TNKS: variants seen among roughly 807,000 people sequenced by gnomAD.
TNKS encodes poly [ADP-ribose] polymerase tankyrase-1.
TNKS carries 72 observed loss-of-function variants against 135.8 expected under a neutral mutation model. The ratio of observed to expected loss-of-function variants is 0.53; its 90% CI spans 0.44 to 0.64. The LOEUF is 0.64. Among genes scored for constraint, TNKS ranks in the 30% least tolerant of loss-of-function variants. TNKS has a pLI of 0.00. For missense variants in TNKS, 1,769 were observed against 1,674.0 expected (o/e 1.06, Z -0.99); for synonymous variants, 849 against 649.3 (o/e 1.31, Z -4.68).
chr8:9,767,048 A>G (rs1807491518), intron 25 of TNKS, among the ~76,000 whole-genome samples: 1 of 152,216 alleles, frequency 6.6e-6, no homozygotes, highest in Non-Finnish European at 1.5e-5. Flanking sequence ...GCTAAGGATG[A>G]TTTCTGTGGA....
intron 3 of TNKS, among the ~76,000 whole-genome samples, chr8:9,666,869 G>T (rs1272165064): frequency 6.6e-6 from 1 of 152,142 alleles, no homozygotes; most frequent in Non-Finnish European, 1.5e-5. Context: ...GAATTGTCAA[G>T]AAGAGTAAAA....
At chr8:9,761,402 C>T in intron 20 of TNKS, 114 bp from the exon 21 acceptor site, 2 of 1,134,096 alleles carry the variant, frequency 1.8e-6, no homozygotes. Flanking sequence ...ATAAAGGGAA[C>T]AAAAGAATTT....
intron 3 of TNKS, among the ~76,000 whole-genome samples, chr8:9,640,356 A>G (rs1384126717): frequency 6.7e-6 from 1 of 149,312 alleles, no homozygotes; most frequent in East Asian, 2.0e-4. Context: ...TGACCTAATC[A>G]CCTCTTAAAG....
intron 3 of TNKS, among the ~76,000 whole-genome samples, chr8:9,667,726 A>C (rs969660283): frequency 1.3e-5 from 2 of 152,056 alleles, no homozygotes; most frequent in Non-Finnish European, 2.9e-5. Context: ...CACACACTTC[A>C]GTTATTTTTT....
At chr8:9,614,710 A>T (rs1799576216) in intron 2 of TNKS, among the ~76,000 whole-genome samples, 1 of 152,188 alleles carries the variant, frequency 6.6e-6, no homozygotes, top group South Asian at 2.1e-4. Flanking sequence ...TAATACATTC[A>T]TTGATTTAAT....
chr8:9,670,390 T>G (rs1283160468), intron 3 of TNKS, among the ~76,000 whole-genome samples: 1 of 152,174 alleles, frequency 6.6e-6, no homozygotes, highest in African/African-American at 2.4e-5. Context: ...TGGGAAACCA[T>G]TCGCCTGTAT....
intron 15 of TNKS, 66 bp from the exon 16 acceptor site, chr8:9,734,799 C>G: frequency 4.1e-6 from 5 of 1,209,326 alleles, no homozygotes; most frequent in Non-Finnish European, 4.7e-6. Context: ...AAATTAATTA[C>G]CTACCTACCT....
intron 14 of TNKS, 130 bp from the exon 15 acceptor site, chr8:9,733,149 T>C (rs1270186995): frequency 1.6e-6 from 1 of 632,296 alleles, no homozygotes; most frequent in African/African-American, 1.9e-5. Context: ...AGAACAGAGG[T>C]GGGTGTATTT....
intron 5 of TNKS, among the ~76,000 whole-genome samples, chr8:9,696,723 G>C (rs1316324735): frequency 6.6e-6 from 1 of 152,046 alleles, no homozygotes; most frequent in Non-Finnish European, 1.5e-5. Flanking sequence ...AAATGAAATA[G>C]CTGGGGATAT....
intron 8 of TNKS, 146 bp from the exon 9 acceptor site, chr8:9,708,225 T>C (rs1437439410): frequency 1.4e-6 from 1 of 697,142 alleles, no homozygotes; most frequent in African/African-American, 1.8e-5. Flanking sequence ...ATCTTTTGCA[T>C]TTTTATCATC....
At chr8:9,753,889 A>C (rs1427543032) in intron 20 of TNKS, among the ~76,000 whole-genome samples, 1 of 152,206 alleles carries the variant, frequency 6.6e-6, no homozygotes, top group East Asian at 1.9e-4. Flanking sequence ...TCCAGTCTAC[A>C]TATGTATTCA....
chr8:9,727,317 G>A (rs1318844026), intron 13 of TNKS, among the ~76,000 whole-genome samples: 1 of 152,022 alleles, frequency 6.6e-6, no homozygotes, highest in African/African-American at 2.4e-5. Flanking sequence ...TTCAAATATA[G>A]TCATATTCTA....
intron 3 of TNKS, among the ~76,000 whole-genome samples, chr8:9,671,650 A>G (rs907241544): frequency 2.0e-5 from 3 of 152,222 alleles, no homozygotes; most frequent in Non-Finnish European, 4.4e-5. Flanking sequence ...TTGGTGTGAT[A>G]GAAATGTTTC....
In TNKS at chr8:9,778,341, T is replaced by A. The variant is rs1393863778; in HGVS notation, c.*1605T>A. On this transcript the variant is annotated 3_prime_UTR_variant, in exon 27 of 27. Coordinates refer to ENST00000310430, the MANE Select transcript of TNKS (RefSeq NM_003747.3). Reference sequence around the variant, plus strand: ...TTGCAATTCAAAGCCCTGAAAACGATGGGTTTAATGCAAGGTGATTAAGCT... The same window carrying A: ...TTGCAATTCAAAGCCCTGAAAACGAAGGGTTTAATGCAAGGTGATTAAGCT... The A allele has an allele frequency of 1.3e-5, 2 of 152,314 alleles. No homozygotes were observed. Among genetic ancestry groups the A allele is most frequent in the African/African-American group, 4.8e-5 (2 of 41,436 alleles). The allele number at this position is 152,314 out of a possible 1,614,324, so 9.4% of individuals were successfully genotyped here.
At chr8:9,577,504 G>A (rs1797994902) in intron 1 of TNKS, among the ~76,000 whole-genome samples, 1 of 152,130 alleles carries the variant, frequency 6.6e-6, no homozygotes, top group African/African-American at 2.4e-5. Context: ...GGGAGGTGAA[G>A]GGGAAGCAGG....
rs1017170224 is a variant in TNKS, at chr8:9,761,573, A to C, written c.3211A>C (p.Asn1071His). The C allele has an allele frequency of 3.1e-6, 5 of 1,611,200 alleles. No individual in the cohort carries two copies. Among genetic ancestry groups the C allele is most frequent in the Non-Finnish European group, 4.2e-6 (5 of 1,179,282 alleles). Residue 1071 changes from asparagine (N) to histidine (H), a missense_variant, in exon 21 of 27, where the codon AAT (asparagine) becomes CAT (histidine). Physicochemically the swap from Asn to His is moderately conservative, Grantham distance 68 (BLOSUM62 1). This residue lies in a region of TNKS where 722 missense variants were observed against 688.9 expected (regional missense o/e 1.05). Coordinates refer to ENST00000310430, the MANE Select transcript of TNKS (RefSeq NM_003747.3). Reference sequence around the variant, plus strand: ...TGAAGAGTTGAAAGAAATAGGCATCAATGCATATGGGCACCGCCACAAATT... The same window carrying C: ...TGAAGAGTTGAAAGAAATAGGCATCCATGCATATGGGCACCGCCACAAATT... Reference protein sequence around the residue: ...GHEELKEIGINAYGHRHKLIK... With the variant: ...GHEELKEIGIHAYGHRHKLIK...
At chr8:9,662,293 C>G (rs900402232) in intron 3 of TNKS, among the ~76,000 whole-genome samples, 3 of 152,150 alleles carry the variant, frequency 2.0e-5, no homozygotes, top group African/African-American at 4.8e-5. Flanking sequence ...GACACATGCA[C>G]ATGTATGTTT....
At chr8:9,612,059 T>G (rs1372835627) in intron 2 of TNKS, among the ~76,000 whole-genome samples, 1 of 152,178 alleles carries the variant, frequency 6.6e-6, no homozygotes, top group African/African-American at 2.4e-5. Context: ...TATCAGAGAT[T>G]TGAGACCGCT....
intron 20 of TNKS, among the ~76,000 whole-genome samples, chr8:9,754,410 G>T (rs193160355): frequency 1.3e-5 from 2 of 151,960 alleles, no homozygotes; most frequent in Non-Finnish European, 2.9e-5. Flanking sequence ...GCCCATTATG[G>T]TTCCCTTCTA....
Sources: gnomAD v4.1 joint callset for allele counts (sites outside exome capture counted in the v4.1 genomes callset) on GRCh38, gnomAD v4.1.1 for gene constraint, gnomAD v4.1.1 regional missense constraint, MANE v1.5 for transcripts, NCBI Gene and HGNC (gene_info 2026-07-23, HGNC 2026-07-21) for gene names.